The following BORCS5 variants were observed in gnomAD, a reference collection of about 807,000 sequenced individuals.
BORCS5 encodes the protein BLOC-1 related complex subunit 5, also known as BLOC-1-related complex subunit 5.
In BORCS5, 17 loss-of-function variants were observed where a neutral mutation model predicts 22.1. The ratio of observed to expected loss-of-function variants is 0.77; its 90% CI spans 0.53 to 1.15. The LOEUF (loss-of-function observed/expected upper bound fraction) is 1.15, where lower values mean the gene tolerates loss of function less well. BORCS5 is among the 50% of genes most tolerant of loss of function. The pLI is 0.00. For missense variants in BORCS5, 247 were observed against 253.2 expected (o/e 0.98, Z 0.17); for synonymous variants, 117 against 99.8 (o/e 1.17, Z -1.03).
intron 3 of BORCS5, among the ~76,000 whole-genome samples, chr12:12,457,923 C>T (rs17377488): frequency 0.019 from 2,857 of 152,260 alleles, 37 homozygotes; most frequent in Middle Eastern, 0.044. Context: ...CATGAATAGC[C>T]GCTCCTCATT....
intron 2 of BORCS5, among the ~76,000 whole-genome samples, chr12:12,384,369 A>T (rs1863837274): frequency 6.7e-6 from 1 of 148,818 alleles, no homozygotes. Flanking sequence ...TTCTTTTATT[A>T]TGATTTTCTG....
At chr12:12,450,627 C>T (rs1942889711) in intron 3 of BORCS5, among the ~76,000 whole-genome samples, 1 of 152,126 alleles carries the variant, frequency 6.6e-6, no homozygotes, top group Non-Finnish European at 1.5e-5. Context: ...ACACACTGCT[C>T]AACATGGTAT....
At chr12:12,360,061 AT>A (rs1438497828) in intron 1 of BORCS5, among the ~76,000 whole-genome samples, 1 of 152,116 alleles carries the variant, frequency 6.6e-6, no homozygotes, top group African/African-American at 2.4e-5. Context: ...AAGTTCATTC[AT>A]GTTATATAAT....
At chr12:12,454,347 T>TTG (rs1942963611) in intron 3 of BORCS5, among the ~76,000 whole-genome samples, 1 of 152,250 alleles carries the variant, frequency 6.6e-6, no homozygotes, top group Admixed American at 6.5e-5. Flanking sequence ...CATTTGTCAT[T>TTG]GTCTGCCTTT....
chr12:12,416,438 A>AT, intron 2 of BORCS5, among the ~76,000 whole-genome samples: 2 of 150,808 alleles, frequency 1.3e-5, no homozygotes, highest in South Asian at 4.2e-4. Context: ...CTTTCTTTTT[A>AT]TTTTTTATTT....
At chr12:12,399,251 C>T (rs1941417203) in intron 2 of BORCS5, among the ~76,000 whole-genome samples, 1 of 151,726 alleles carries the variant, frequency 6.6e-6, no homozygotes, top group Non-Finnish European at 1.5e-5. Flanking sequence ...GAGTGAATTT[C>T]AGGGAAAAAC....
intron 2 of BORCS5, among the ~76,000 whole-genome samples, chr12:12,385,319 A>G (rs746956767): frequency 6.6e-6 from 1 of 151,326 alleles, no homozygotes; most frequent in Non-Finnish European, 1.5e-5. Context: ...AGTCAATTCT[A>G]CTGATGACAC....
intron 2 of BORCS5, among the ~76,000 whole-genome samples, chr12:12,380,043 G>A (rs1055776142): frequency 1.3e-5 from 2 of 151,194 alleles, no homozygotes; most frequent in African/African-American, 4.9e-5. Flanking sequence ...CAAGGAGAGG[G>A]TGATAGCCGG....
intron 3 of BORCS5, among the ~76,000 whole-genome samples, chr12:12,437,214 A>G (rs1339011633): frequency 6.6e-6 from 1 of 152,206 alleles, no homozygotes. Flanking sequence ...ATGATAGTGA[A>G]TAAGTCTCAT....
chr12:12,414,054 G>T (rs1391721279), intron 2 of BORCS5, among the ~76,000 whole-genome samples: 3 of 80,124 alleles, frequency 3.7e-5, no homozygotes, highest in Admixed American at 1.0e-4. Flanking sequence ...CTGGCCAGGC[G>T]GGGGGCTGAT....
chr12:12,388,510 C>T (rs769782678), intron 2 of BORCS5, among the ~76,000 whole-genome samples: 16 of 151,266 alleles, frequency 1.1e-4, no homozygotes, highest in Non-Finnish European at 2.2e-4. Context: ...TTATAATATC[C>T]ACTGCTTTTT....
rs1863161614 is a variant in BORCS5, at chr12:12,357,284, C to G, written c.-168C>G. 6.9e-7 allele frequency: 1 copy of G among 1,456,608 alleles called. No individual in the cohort carries two copies. Among genetic ancestry groups the G allele is most frequent in the Non-Finnish European group, 9.0e-7 (1 of 1,105,066 alleles). 90.2% of individuals were successfully genotyped at this position (1,456,608 alleles called of 1,614,324 possible). A position where few individuals can be genotyped will look rare whatever the true frequency, so the allele number is the denominator to read the frequency against. Reference sequence around the variant, plus strand: ...TAGGGCCTCTCCTTCTCCCGCCGCCCAGGCCCCTGCGTGGGCTGGACGCGT... The same window carrying G: ...TAGGGCCTCTCCTTCTCCCGCCGCCGAGGCCCCTGCGTGGGCTGGACGCGT... On this transcript the variant is annotated 5_prime_UTR_variant, in exon 1 of 4. Transcript: ENST00000314565.
At chr12:12,398,481 G>A (rs1018118782) in intron 2 of BORCS5, among the ~76,000 whole-genome samples, 2 of 152,162 alleles carry the variant, frequency 1.3e-5, no homozygotes, top group African/African-American at 4.8e-5. Context: ...CTGATGAAGG[G>A]GAGAGATGTT....
At chr12:12,362,822 A>G (rs901541314) in intron 2 of BORCS5, among the ~76,000 whole-genome samples, 2 of 148,322 alleles carry the variant, frequency 1.3e-5, no homozygotes, top group African/African-American at 5.1e-5. Context: ...TTTTATTATT[A>G]TTATTTTTAG....
chr12:12,399,046 G>A (rs1227645635), intron 2 of BORCS5, among the ~76,000 whole-genome samples: 1 of 152,150 alleles, frequency 6.6e-6, no homozygotes, highest in East Asian at 1.9e-4. Flanking sequence ...GCGATGGCCA[G>A]GAGAGGCCTT....
At chr12:12,458,491 G>A (rs1943038947) in intron 3 of BORCS5, among the ~76,000 whole-genome samples, 1 of 151,208 alleles carries the variant, frequency 6.6e-6, no homozygotes, top group African/African-American at 2.4e-5. Context: ...GTTTATTTTT[G>A]CCCATTATTT....
intron 2 of BORCS5, among the ~76,000 whole-genome samples, chr12:12,414,194 G>C (rs1941840096): frequency 9.9e-6 from 1 of 100,638 alleles, no homozygotes. Flanking sequence ...TGGGGCGGCT[G>C]GCCAGGCGGG....
At chr12:12,424,391 GTT>G (rs1942226021) in intron 2 of BORCS5, among the ~76,000 whole-genome samples, 1 of 151,892 alleles carries the variant, frequency 6.6e-6, no homozygotes, top group Non-Finnish European at 1.5e-5. Flanking sequence ...TTCTTTTTAG[GTT>G]TTCTGTCTCT....
chr12:12,435,758 G>A lies in BORCS5; in HGVS notation c.333G>A (p.Gln111=). ...HQCAEAVAFD[Q]NALVKRIKEM... ...GTGCAGAGGCCGTTGCTTTTGACCA[G>A]AATGCTTTGGTTAAACGAATCAAAG... Residue 111 remains glutamine (Q), a synonymous_variant, in exon 3 of 4, where the codon CAG becomes CAA. Coordinates refer to ENST00000314565, the MANE Select transcript of BORCS5 (RefSeq NM_058169.6). 1.2e-6 allele frequency: 2 copies of A among 1,613,670 alleles called. No homozygotes were observed. The highest frequency in any genetic ancestry group is 2.2e-5 in the South Asian group (2 of 90,918).
Sources: allele counts gnomAD v4.1 joint callset (sites outside exome capture counted in the v4.1 genomes callset), GRCh38; gene constraint gnomAD v4.1.1; transcripts MANE v1.5; gene names NCBI Gene and HGNC (gene_info 2026-07-23, HGNC 2026-07-21).